DNAJA3: variants seen among roughly 807,000 people sequenced by gnomAD.
DNAJA3 encodes dnaJ homolog subfamily A member 3, mitochondrial.
DNAJA3 carries 29 observed loss-of-function variants against 54.9 expected under a neutral mutation model. The observed-to-expected ratio is 0.53, with a 90% CI of 0.39 to 0.72. The LOEUF (loss-of-function observed/expected upper bound fraction) is 0.72, where lower values mean the gene tolerates loss of function less well. DNAJA3 is among the 30% of genes least tolerant of loss of function. The pLI is 0.00. For synonymous variants in DNAJA3, 302 were observed against 251.4 expected, an observed-to-expected ratio of 1.20 and a Z score of -1.90; for missense variants, 708 against 639.4, an observed-to-expected ratio of 1.11 and a Z score of -1.16.
chr16:4,441,444 A>G lies in DNAJA3; in HGVS notation c.499A>G (p.Ser167Gly), dbSNP rs2056835104. Residue 167 changes from serine (S) to glycine (G), a missense_variant, in exon 4 of 12, where the codon AGC becomes GGC. By Grantham distance (56) the Ser-to-Gly change is moderately conservative. Transcript: ENST00000262375. ...YGSAGFDPGA[S>G]GSQHSYWKGG... ...CTCTGCAGGCTTCGATCCTGGGGCC[A>G]GCGGCTCCCAGCATAGCTACTGGAA... is the stretch of plus-strand genomic sequence containing the variant. 2 of 1,614,174 alleles carry G rather than the reference A, an allele frequency of 1.2e-6. No homozygotes were observed. The highest frequency in any genetic ancestry group is 2.2e-5 in the East Asian group (1 of 44,884).
intron 7 of DNAJA3, among the ~76,000 whole-genome samples, chr16:4,445,177 G>A (rs2056888632): frequency 6.6e-6 from 1 of 152,178 alleles, no homozygotes; most frequent in Non-Finnish European, 1.5e-5. Context: ...CAGGCGATAG[G>A]TACAAAGGGG....
At chr16:4,430,747 T>C (rs1238072003) in intron 1 of DNAJA3, 4 of 151,752 alleles carry the variant, frequency 2.6e-5, no homozygotes, top group Non-Finnish European at 4.4e-5. Context: ...CTATGGATAA[T>C]GTCAAAAGTC....
rs2057027542 is a variant in DNAJA3 at position 4,455,626 on chromosome 16, G to C, written c.*94G>C. On this transcript the variant is annotated 3_prime_UTR_variant, in exon 12 of 12. Coordinates refer to ENST00000262375, the MANE Select transcript of DNAJA3 (RefSeq NM_005147.6). ...GCACCTGGGAGACGGGAGGATTCCA[G>C]AACAGCAGCACTGAGCTCCCACCCG... is the stretch of plus-strand genomic sequence containing the variant. 1 of 1,546,412 alleles carries C rather than the reference G, an allele frequency of 6.5e-7. No homozygotes were observed. Among genetic ancestry groups the C allele is most frequent in the East Asian group, 2.4e-5 (1 of 40,882 alleles).
rs369728430 is a variant in DNAJA3 at position 4,441,497 on chromosome 16, G to T, written c.552G>T (p.Glu184Asp). 1.2e-5 allele frequency: 19 copies of T among 1,614,224 alleles called. No individual in the cohort carries two copies. The African/African-American group carries it at 2.1e-4, about 18-fold the overall frequency. ...GAGGCCCCACTGTGGACCCCGAGGAGCTGTTCAGGAAGATCTTTGGCGAGT... is the reference window on the plus strand; with the variant it reads ...GAGGCCCCACTGTGGACCCCGAGGATCTGTTCAGGAAGATCTTTGGCGAGT... ...WKGGPTVDPE[E>D]LFRKIFGEFS... The change falls in exon 4 of 12, where the codon GAG (glutamate) becomes GAT (aspartate). Residue 184 changes from glutamate (E) to aspartate (D), a missense_variant. Physicochemically the swap from Glu to Asp is conservative, Grantham distance 45 (BLOSUM62 2). Transcript: ENST00000262375.
chr16:4,444,708 GA>G lies in DNAJA3; in HGVS notation c.979del (p.Ile327PhefsTer28). 6.2e-7 allele frequency: 1 copy of G among 1,614,184 alleles called. No homozygotes were observed. The highest frequency in any genetic ancestry group is 1.3e-5 in the African/African-American group (1 of 75,068). On this transcript the variant is annotated frameshift_variant, in exon 7 of 12. Coordinates refer to ENST00000262375, the MANE Select transcript of DNAJA3 (RefSeq NM_005147.6). LOFTEE classifies it high-confidence loss of function. ...QTVRMPVGKR[E>X]IFITFRVQKS... ...CGTGAGGATGCCTGTGGGAAAAAGG[GA>G]AATTTTCATTACGTTCAGGGTAGGT...
intron 3 of DNAJA3, chr16:4,441,160 T>G: frequency 1.8e-6 from 1 of 558,688 alleles, no homozygotes; most frequent in Non-Finnish European, 3.1e-6. Flanking sequence ...CGTGAGACTT[T>G]TGGAAGCACT....
chr16:4,448,767 G>A lies in DNAJA3; in HGVS notation c.1160G>A (p.Arg387Gln), dbSNP rs757958184. 61 of 1,613,948 alleles carry A rather than the reference G, an allele frequency of 3.8e-5. No individual in the cohort carries two copies. Among genetic ancestry groups the A allele is most frequent in the South Asian group, 3.5e-4 (32 of 91,066 alleles). Residue 387 changes from arginine to glutamine, a missense_variant, in exon 9 of 12, where the codon CGG (arginine) becomes CAG (glutamine). Arg to Gln is a conservative substitution (Grantham distance 43). Coordinates refer to ENST00000262375, the MANE Select transcript of DNAJA3 (RefSeq NM_005147.6). Reference protein sequence around the residue: ...PPGTQTDQKIRMGGKGIPRIN... With the variant: ...PPGTQTDQKIQMGGKGIPRIN... ...GGGACTCAGACAGACCAGAAGATTC[G>A]GATGGGTGGGAAAGGCATCCCCCGG...
chr16:4,425,987 G>T lies in DNAJA3; in HGVS notation c.106G>T (p.Gly36Trp). Residue 36 changes from glycine (G) to tryptophan (W), a missense_variant, in exon 1 of 12, where the codon GGG (glycine) becomes TGG (tryptophan). Coordinates refer to ENST00000262375, the MANE Select transcript of DNAJA3 (RefSeq NM_005147.6). ...GARPPREGVVGAWLSRKLSVP... is the reference protein window; with the variant it reads ...GARPPREGVVWAWLSRKLSVP... ...CCGGCCGCCCAGGGAGGGCGTGGTG[G>T]GGGCATGGCTGAGCCGCAAGCTGAG... The T allele has an allele frequency of 1.2e-6, 2 of 1,600,090 alleles. No individual in the cohort carries two copies. Among genetic ancestry groups the T allele is most frequent in the East Asian group, 2.3e-5 (1 of 43,700 alleles).
rs1367137133 is a variant in DNAJA3, at chr16:4,451,875, A to G, written c.1339+1378A>G. On this transcript the variant is annotated intron_variant, in intron 10 of 11. Coordinates refer to ENST00000262375, the MANE Select transcript of DNAJA3 (RefSeq NM_005147.6). ...GGAGTTTGAGACCAGCCTGACCAAC[A>G]TGGTGAAACCCTGTCTCTACTAAAA... Among the ~76,000 whole-genome samples the G allele has an allele frequency of 1.0e-3, 154 of 149,918 alleles. 1 individual carries two copies. Among genetic ancestry groups the G allele is most frequent in the Non-Finnish European group, 3.4e-4 (23 of 67,546 alleles).
intron 1 of DNAJA3, among the ~76,000 whole-genome samples, chr16:4,432,082 T>G (rs182436258): frequency 7.3e-5 from 11 of 151,724 alleles, no homozygotes; most frequent in African/African-American, 2.4e-4. Flanking sequence ...TCTGTATGGA[T>G]TCAAAGTCCT....
chr16:4,432,291 G>A (rs1254376592), intron 1 of DNAJA3, among the ~76,000 whole-genome samples: 1 of 149,998 alleles, frequency 6.7e-6, no homozygotes, highest in Non-Finnish European at 1.5e-5. Context: ...CCAAAGTGCT[G>A]GGATTACAGG....
chr16:4,442,477 C>A, intron 5 of DNAJA3, 57 bp downstream of exon 5: 1 of 1,503,150 alleles, frequency 6.7e-7, no homozygotes, highest in East Asian at 2.4e-5. Flanking sequence ...CTGAGAAGAG[C>A]TGGTTGTGGC....
chr16:4,435,502 G>T (rs58958001), intron 2 of DNAJA3, among the ~76,000 whole-genome samples: 31 of 152,002 alleles, frequency 2.0e-4, no homozygotes, highest in Non-Finnish European at 4.1e-4. Flanking sequence ...CTCTCTCCCC[G>T]GTCCCTAGCA....
rs2056833693 is a variant in DNAJA3 at position 4,441,370 on chromosome 16, T to G, written c.430-5T>G. The G allele has an allele frequency of 6.2e-7, 1 of 1,609,460 alleles. No homozygotes were observed. The highest frequency in any genetic ancestry group is 8.5e-7 in the Non-Finnish European group (1 of 1,177,684). On this transcript the variant is annotated splice_region_variant and splice_polypyrimidine_tract_variant and intron_variant, in intron 3 of 11. Transcript: ENST00000262375. ...GATGCCCAGTGGCTCTGCCTTTCAC[T>G]GTAGGTTTTGAGTGATGAGGTGAAG...
At chr16:4,431,420 T>C (rs1274606928) in intron 1 of DNAJA3, among the ~76,000 whole-genome samples, 1 of 152,204 alleles carries the variant, frequency 6.6e-6, no homozygotes, top group Non-Finnish European at 1.5e-5. Flanking sequence ...ACACACGGAT[T>C]TATTTCCTAT....
chr16:4,441,325 C>T (rs762827707), intron 3 of DNAJA3, 50 bp from the exon 4 acceptor site: 1 of 1,539,846 alleles, frequency 6.5e-7, no homozygotes, highest in African/African-American at 1.4e-5. Flanking sequence ...GTCTGTATTC[C>T]TGGGCCTTGG....
At chr16:4,438,190 G>T (rs28577186) in intron 3 of DNAJA3, among the ~76,000 whole-genome samples, 11 of 151,768 alleles carry the variant, frequency 7.2e-5, no homozygotes, top group Non-Finnish European at 1.3e-4. Context: ...GGCGGCATGC[G>T]CCTGTAGTCC....
Position 4,456,757 on chromosome 16 carries a change from A to C in DNAJA3, c.*1225A>C, listed in dbSNP as rs2057041032. ...TGTAAATAAGATTATCTATTGCAAA[A>C]AGATATTTCAAACCTAAATTGTGGT... On this transcript the variant is annotated 3_prime_UTR_variant, in exon 12 of 12. Transcript: ENST00000262375. The C allele has an allele frequency of 6.6e-6, 1 of 152,630 alleles. No individual in the cohort carries two copies. The highest frequency in any genetic ancestry group is 1.5e-5 in the Non-Finnish European group (1 of 68,046). The allele number at this position is 152,630 out of a possible 1,614,324, so 9.5% of individuals were successfully genotyped here.
chr16:4,444,599 G>T, intron 6 of DNAJA3, 65 bp from the exon 7 acceptor site: 1 of 1,438,624 alleles, frequency 7.0e-7, no homozygotes, highest in East Asian at 2.3e-5. Flanking sequence ...CTCCCAAAGT[G>T]CTGGGATTAC....
Sources: gnomAD v4.1 joint callset for allele counts (sites outside exome capture counted in the v4.1 genomes callset) on GRCh38, gnomAD v4.1.1 for gene constraint, MANE v1.5 for transcripts, NCBI Gene and HGNC (gene_info 2026-07-23, HGNC 2026-07-21) for gene names.